The following ADK variants were observed in gnomAD, a reference collection of about 807,000 sequenced individuals.
ADK encodes adenosine kinase.
ADK carries 24 observed loss-of-function variants against 44.7 expected under a neutral mutation model. That is an observed-to-expected ratio of 0.54 (90% CI 0.39 to 0.76). ADK has a LOEUF of 0.76. Among genes scored for constraint, ADK ranks in the 30% least tolerant of loss-of-function variants. The pLI is 0.00. For synonymous variants in ADK, 128 were observed against 142.6 expected (o/e 0.90, Z 0.73); for missense variants, 321 against 425.1 (o/e 0.76, Z 2.15).
chr10:74,667,009 T>G (rs1854983010), intron 9 of ADK, among the ~76,000 whole-genome samples: 1 of 151,952 alleles, frequency 6.6e-6, no homozygotes, highest in South Asian at 2.1e-4. Context: ...TCTTGTATTT[T>G]TAATAGAGAC....
Position 74,598,366 on chromosome 10 carries a change from G to C in ADK, c.763-2013G>C, listed in dbSNP as rs546870428. The stretch of plus-strand genomic sequence containing the variant: ...TTTGAGACATAAGAAACATTTCTTT[G>C]ATTAAATTACCAAAGCTCTCAACAA... On this transcript the variant is annotated intron_variant, in intron 8 of 10. Transcript: ENST00000539909. Among the ~76,000 whole-genome samples, 5 of 145,588 alleles carry C rather than the reference G, an allele frequency of 3.4e-5. No homozygotes were observed. The East Asian group carries it at 1.1e-3, about 32-fold the overall frequency.
intron 3 of ADK, among the ~76,000 whole-genome samples, chr10:74,276,088 C>T: frequency 6.6e-6 from 1 of 152,158 alleles, no homozygotes; most frequent in East Asian, 1.9e-4. Context: ...TAAAGCCCCA[C>T]CCCAAAGTGA....
intron 7 of ADK, among the ~76,000 whole-genome samples, chr10:74,557,300 A>G (rs978603039): frequency 1.3e-5 from 2 of 152,176 alleles, no homozygotes; most frequent in Non-Finnish European, 2.9e-5. Flanking sequence ...TAATATTTTT[A>G]TCTACCCTTT....
intron 1 of ADK, among the ~76,000 whole-genome samples, chr10:74,170,521 G>A (rs775802630): frequency 5.3e-5 from 8 of 152,186 alleles, no homozygotes; most frequent in Admixed American, 3.9e-4. Context: ...TAGTAAGGCC[G>A]GGCACGGTGG....
chr10:74,606,589 G>A (rs1852332052), intron 9 of ADK, among the ~76,000 whole-genome samples: 1 of 152,134 alleles, frequency 6.6e-6, no homozygotes, highest in African/African-American at 2.4e-5. Flanking sequence ...ATTGCACTGT[G>A]GTCTGAGAGA....
chr10:74,542,349 A>C (rs2133732810), intron 7 of ADK, among the ~76,000 whole-genome samples: 1 of 152,338 alleles, frequency 6.6e-6, no homozygotes, highest in Non-Finnish European at 1.5e-5. Flanking sequence ...TAAGTCACTA[A>C]GTTTTGGAGC....
At chr10:74,515,201 C>G (rs1243694853) in intron 6 of ADK, among the ~76,000 whole-genome samples, 3 of 152,096 alleles carry the variant, frequency 2.0e-5, no homozygotes, top group African/African-American at 7.2e-5. Context: ...TTTCTAGATA[C>G]AGTTTTGTAG....
intron 6 of ADK, among the ~76,000 whole-genome samples, chr10:74,420,699 A>C (rs568554160): frequency 2.0e-5 from 3 of 152,132 alleles, no homozygotes; most frequent in Non-Finnish European, 4.4e-5. Context: ...AAAGTTAATT[A>C]AAGAATTTAG....
At chr10:74,209,942 G>C (rs533211733) in intron 2 of ADK, among the ~76,000 whole-genome samples, 1 of 152,188 alleles carries the variant, frequency 6.6e-6, no homozygotes, top group African/African-American at 2.4e-5. Flanking sequence ...GTTTGCCTTG[G>C]TTTTTCCTGA....
chr10:74,283,741 C>T (rs556673181), intron 3 of ADK, among the ~76,000 whole-genome samples: 45 of 134,344 alleles, frequency 3.3e-4, no homozygotes, highest in Middle Eastern at 4.8e-3. Context: ...AGTGCAGTGG[C>T]GCCATCTCTG....
chr10:74,439,997 ATAAT>A (rs1845341263), intron 6 of ADK, among the ~76,000 whole-genome samples: 1 of 152,102 alleles, frequency 6.6e-6, no homozygotes, highest in East Asian at 1.9e-4. Flanking sequence ...TTAATAGTTA[ATAAT>A]TAAACTTAGT....
At chr10:74,347,056 GA>G (rs1438352784) in intron 4 of ADK, among the ~76,000 whole-genome samples, 1 of 135,368 alleles carries the variant, frequency 7.4e-6, no homozygotes, top group Non-Finnish European at 1.5e-5. Flanking sequence ...GCAATGAGCA[GA>G]GATCGCACCA....
intron 4 of ADK, among the ~76,000 whole-genome samples, chr10:74,349,274 A>G (rs1841878877): frequency 6.6e-6 from 1 of 152,208 alleles, no homozygotes; most frequent in Non-Finnish European, 1.5e-5. Flanking sequence ...ATTCTTAAAG[A>G]AAAGAATTTT....
At chr10:74,336,364 T>C (rs780838691) in intron 4 of ADK, among the ~76,000 whole-genome samples, 5 of 152,242 alleles carry the variant, frequency 3.3e-5, no homozygotes, top group Admixed American at 6.5e-5. Flanking sequence ...TTCCATATTC[T>C]GTTTCATTGA....
chr10:74,385,843 C>G (rs530051024), intron 4 of ADK, among the ~76,000 whole-genome samples: 4 of 152,196 alleles, frequency 2.6e-5, no homozygotes, highest in Admixed American at 2.6e-4. Context: ...GCCTAATATT[C>G]CCCGAATCTG....
chr10:74,481,196 CT>C lies in ADK; in HGVS notation c.556-44058del, dbSNP rs201540296. On this transcript the variant is annotated intron_variant, in intron 6 of 10. Coordinates refer to ENST00000539909, the MANE Select transcript of ADK (RefSeq NM_006721.4). Reference sequence around the variant, plus strand: ...GTCATATATTGTTTTATTTGTACTTCTTGTGGCTTATTGAGAGAATACGAAG... The same window carrying C: ...GTCATATATTGTTTTATTTGTACTTCTGTGGCTTATTGAGAGAATACGAAG... 6.6e-4 allele frequency among the ~76,000 whole-genome samples: 101 copies of C among 152,160 alleles called. 2 individuals are homozygous for C. The East Asian group carries it at 0.018, about 27-fold the overall frequency.
At chr10:74,516,412 CTGTT>C (rs1277106954) in intron 6 of ADK, among the ~76,000 whole-genome samples, 2 of 152,160 alleles carry the variant, frequency 1.3e-5, no homozygotes, top group South Asian at 2.1e-4. Context: ...CAAATCTTAG[CTGTT>C]TGTTTGTTGC....
intron 9 of ADK, among the ~76,000 whole-genome samples, chr10:74,601,035 A>G (rs932254010): frequency 3.9e-5 from 6 of 152,018 alleles, no homozygotes; most frequent in African/African-American, 1.4e-4. Context: ...TAAATGTTTT[A>G]ATTCTGTCTG....
chr10:74,253,564 A>G (rs1419539149), intron 3 of ADK, among the ~76,000 whole-genome samples: 1 of 152,056 alleles, frequency 6.6e-6, no homozygotes, highest in African/African-American at 2.4e-5. Flanking sequence ...GAGCATTATA[A>G]ATATGTTCTT....
Sources: allele counts gnomAD v4.1 joint callset (sites outside exome capture counted in the v4.1 genomes callset), GRCh38; gene constraint gnomAD v4.1.1; transcripts MANE v1.5; gene names NCBI Gene and HGNC (gene_info 2026-07-23, HGNC 2026-07-21).